Variants in LMX1B observed in about 807,000 individuals in gnomAD.
LMX1B encodes the protein LIM homeobox transcription factor 1-beta.
A neutral mutation model predicts 51.4 loss-of-function variants in LMX1B; 12 were observed. The observed-to-expected ratio is 0.23, with a 90% CI of 0.15 to 0.38. The LOEUF is 0.38. Ranked by LOEUF, LMX1B falls within the 10% of genes least tolerant of loss-of-function variation. The pLI is 1.00. For synonymous variants in LMX1B, 237 were observed against 235.4 expected (o/e 1.01, Z -0.06); for missense variants, 445 against 571.1 (o/e 0.78, Z 2.25).
chr9:126,672,927 A>G (rs1056239815), intron 2 of LMX1B, among the ~76,000 whole-genome samples: 2 of 152,238 alleles, frequency 1.3e-5, no homozygotes, highest in Non-Finnish European at 2.9e-5. Context: ...GCCCAGGCAC[A>G]TGACACTGGC....
intron 2 of LMX1B, among the ~76,000 whole-genome samples, chr9:126,631,527 A>G (rs1414847197): frequency 6.6e-6 from 1 of 151,046 alleles, no homozygotes; most frequent in African/African-American, 2.4e-5. Context: ...GGGATGGGGC[A>G]GGCCTATCCT....
At chr9:126,619,008 C>G (rs556248617) in intron 2 of LMX1B, among the ~76,000 whole-genome samples, 1 of 152,102 alleles carries the variant, frequency 6.6e-6, no homozygotes, top group East Asian at 1.9e-4. Flanking sequence ...CCCGGGCGGC[C>G]GAGCCTCTCG....
At chr9:126,678,182 C>T (rs969555039) in intron 2 of LMX1B, among the ~76,000 whole-genome samples, 4 of 152,000 alleles carry the variant, frequency 2.6e-5, no homozygotes, top group African/African-American at 4.8e-5. Context: ...TGGTGGCCCG[C>T]GCCTGTAATC....
In LMX1B at chr9:126,700,186, C is replaced by G. The variant is rs2030492364; in HGVS notation, c.*3735C>G. 6.6e-6 allele frequency: 1 copy of G among 152,220 alleles called. No individual in the cohort carries two copies. Among genetic ancestry groups the G allele is most frequent in the African/African-American group, 2.4e-5 (1 of 41,440 alleles). 9.4% of individuals were successfully genotyped at this position (152,220 alleles called of 1,614,324 possible). A position where few individuals can be genotyped will look rare whatever the true frequency, so the allele number is the denominator to read the frequency against. ...AACGCACAGGGAGGCCACACAGAGA[C>G]ACTGCTCACAAGAGTCAGACCAAGG... On this transcript the variant is annotated 3_prime_UTR_variant, in exon 8 of 8. Transcript: ENST00000373474.
At chr9:126,621,655 C>CTTTTTTTTT (rs71377950) in intron 2 of LMX1B, among the ~76,000 whole-genome samples, 13 of 116,904 alleles carry the variant, frequency 1.1e-4, no homozygotes, top group African/African-American at 4.8e-4. Context: ...TCTCTCTCTT[C>CTTTTTTTTT]TTTTTTTTTT....
chr9:126,690,948 G>T lies in LMX1B; in HGVS notation c.439G>T (p.Glu147Ter). ...GGGCTGCTTCTGCTGCTGCGTGTGT[G>T]AACGGCAGCTACGCAAGGGCGACGA... ...HLGCFCCCVCERQLRKGDEFV... is the reference protein window; with the variant it reads ...HLGCFCCCVC Residue 147 changes from glutamate (E) to a stop codon, truncating the protein, a stop_gained, in exon 3 of 8, where the codon GAA (glutamate) becomes TAA (stop). Transcript: ENST00000373474. LOFTEE classifies it high-confidence loss of function. 6.2e-7 allele frequency: 1 copy of T among 1,614,106 alleles called. No homozygotes were observed. The highest frequency in any genetic ancestry group is 1.1e-5 in the South Asian group (1 of 91,082).
intron 2 of LMX1B, among the ~76,000 whole-genome samples, chr9:126,680,210 T>A (rs1381687187): frequency 1.3e-5 from 2 of 151,286 alleles, no homozygotes; most frequent in African/African-American, 4.9e-5. Flanking sequence ...AAGTGCAGAG[T>A]TGTTTTGGGA....
At chr9:126,669,733 G>T (rs558500842) in intron 2 of LMX1B, among the ~76,000 whole-genome samples, 2 of 152,250 alleles carry the variant, frequency 1.3e-5, no homozygotes, top group South Asian at 2.1e-4. Flanking sequence ...GTGTGCACAT[G>T]TGTTAAGGTA....
At position 126,615,782 on chromosome 9, in the gene LMX1B, C is replaced by T. The variant is rs1449880315; in HGVS notation, c.326+213C>T. On this transcript the variant is annotated intron_variant, in intron 2 of 7. Coordinates refer to ENST00000373474, the MANE Select transcript of LMX1B (RefSeq NM_001174147.2). This position sits in a 1 kb window ranked among gnomAD's most constrained non-coding sequence, Gnocchi z 6.0. ...GGGGTCCTGGGAGCCTCCGGACGGCCCCCAGTTGCCATCCGTTGTCCCGGA... is the reference window on the plus strand; with the variant it reads ...GGGGTCCTGGGAGCCTCCGGACGGCTCCCAGTTGCCATCCGTTGTCCCGGA... Among the ~76,000 whole-genome samples, 1 of 152,144 alleles carries T rather than the reference C, an allele frequency of 6.6e-6. No homozygotes were observed. Among genetic ancestry groups the T allele is most frequent in the Non-Finnish European group, 1.5e-5 (1 of 68,028 alleles).
chr9:126,669,247 G>A (rs1836404043), intron 2 of LMX1B, among the ~76,000 whole-genome samples: 1 of 148,268 alleles, frequency 6.7e-6, no homozygotes, highest in Non-Finnish European at 1.5e-5. Context: ...GCCGCGAGGA[G>A]GGTGGAGACA....
rs1016378439 is a variant in LMX1B, at chr9:126,632,788, G to T, written c.326+17219G>T. ...GCACTCTGGGCTGGTCCCAGCAGGG[G>T]TGACCCACTTAGCTGGGTCCCTGGA... On this transcript the variant is annotated intron_variant, in intron 2 of 7. Coordinates refer to ENST00000373474, the MANE Select transcript of LMX1B (RefSeq NM_001174147.2). Among the ~76,000 whole-genome samples the T allele has an allele frequency of 2.9e-4, 44 of 152,286 alleles. No individual in the cohort carries two copies. The East Asian group carries it at 7.3e-3, about 25-fold the overall frequency.
intron 2 of LMX1B, among the ~76,000 whole-genome samples, chr9:126,650,056 T>A (rs1262715126): frequency 6.6e-6 from 1 of 152,318 alleles, no homozygotes; most frequent in South Asian, 2.1e-4. Context: ...CTCAGCTTGG[T>A]GAGCCCCTGT....
intron 2 of LMX1B, among the ~76,000 whole-genome samples, chr9:126,688,932 C>G (rs951112685): frequency 6.6e-6 from 1 of 152,208 alleles, no homozygotes; most frequent in Non-Finnish European, 1.5e-5. Context: ...CCAACAGGGA[C>G]ATGCATTGTC....
chr9:126,640,247 G>A (rs1329176206), intron 2 of LMX1B, among the ~76,000 whole-genome samples: 1 of 152,196 alleles, frequency 6.6e-6, no homozygotes, highest in African/African-American at 2.4e-5. Flanking sequence ...GAGGTGTGGG[G>A]GTGCTGGTGG....
At chr9:126,628,993 TA>T (rs56065931) in intron 2 of LMX1B, among the ~76,000 whole-genome samples, 136,639 of 148,558 alleles carry the variant, frequency 0.92, 63,573 homozygotes, top group Non-Finnish European at 0.99. Context: ...TCAATTAGAT[TA>T]AAAAAAAAAA....
intron 2 of LMX1B, among the ~76,000 whole-genome samples, chr9:126,651,741 C>T (rs1413406986): frequency 1.3e-5 from 2 of 152,100 alleles, no homozygotes; most frequent in Non-Finnish European, 2.9e-5. Flanking sequence ...GAAATTAGAG[C>T]CTCTGAGAAC....
intron 2 of LMX1B, among the ~76,000 whole-genome samples, chr9:126,642,151 T>C (rs773580919): frequency 3.3e-5 from 5 of 152,200 alleles, no homozygotes; most frequent in Non-Finnish European, 5.9e-5. Context: ...GAGCTGAGTC[T>C]GTCCTGCTCG....
intron 2 of LMX1B, among the ~76,000 whole-genome samples, chr9:126,660,701 C>T (rs1397549790): frequency 6.6e-6 from 1 of 152,172 alleles, no homozygotes; most frequent in Non-Finnish European, 1.5e-5. Flanking sequence ...ATTGCAAAGG[C>T]TGATGTGAAC....
In LMX1B at chr9:126,618,203, C is replaced by G. The variant is rs747663340; in HGVS notation, c.326+2634C>G. Among the ~76,000 whole-genome samples, 27 of 152,162 alleles carry G rather than the reference C, an allele frequency of 1.8e-4. No individual in the cohort carries two copies. The highest frequency in any genetic ancestry group is 3.8e-4 in the Non-Finnish European group (26 of 68,036). ...GCGGTATTGAGAAATTAACAATCCCCCCACCAAACACAACTTCTGAAAAAT... is the reference window on the plus strand; with the variant it reads ...GCGGTATTGAGAAATTAACAATCCCGCCACCAAACACAACTTCTGAAAAAT... On this transcript the variant is annotated intron_variant, in intron 2 of 7. Transcript: ENST00000373474. The surrounding 1 kb of genome is among the most constrained non-coding windows in gnomAD (Gnocchi z 4.5).
Sources: gnomAD v4.1 joint callset for allele counts (sites outside exome capture counted in the v4.1 genomes callset) on GRCh38, gnomAD v4.1.1 for gene constraint, Gnocchi (gnomAD v3.1) non-coding constraint, MANE v1.5 for transcripts, NCBI Gene and HGNC (gene_info 2026-07-23, HGNC 2026-07-21) for gene names.